CENPE: variants seen among roughly 807,000 people sequenced by gnomAD.
The protein encoded by CENPE is centromere-associated protein E.
Under a neutral mutation model 336.1 loss-of-function variants are expected in CENPE, and 145 were observed. The observed-to-expected ratio is 0.43, with a 90% CI of 0.38 to 0.50. The LOEUF is 0.50. CENPE is among the 20% of genes least tolerant of loss of function. The probability of loss-of-function intolerance (pLI) is 0.00; values close to 1 mark genes in which losing one functional copy is unlikely to be tolerated. For synonymous variants in CENPE, 1,013 were observed against 984.8 expected (o/e 1.03, Z -0.54); for missense variants, 2,719 against 3,023.3 (o/e 0.90, Z 2.36).
intron 9 of CENPE, among the ~76,000 whole-genome samples, chr4:103,184,468 C>T (rs1458318309): frequency 3.9e-5 from 6 of 152,128 alleles, no homozygotes; most frequent in African/African-American, 1.2e-4. Context: ...AAGTTGACTT[C>T]CAACAATTTT....
At chr4:103,149,472 C>A in intron 26 of CENPE, 64 bp from the exon 27 acceptor site, 1 of 1,380,910 alleles carries the variant, frequency 7.2e-7, no homozygotes, top group Admixed American at 2.5e-5. Context: ...TACACAAAAT[C>A]ATTAACAGCC....
chr4:103,191,669 T>C (rs920977174), intron 8 of CENPE, among the ~76,000 whole-genome samples: 3 of 149,632 alleles, frequency 2.0e-5, no homozygotes, highest in African/African-American at 7.4e-5. Context: ...GAGGGGGGGA[T>C]AGCATTAGGA....
At position 103,153,033 on chromosome 4, in the gene CENPE, G is replaced by C; in HGVS notation, c.3237+14C>G. 3 of 1,588,610 alleles carry C rather than the reference G, an allele frequency of 1.9e-6. No individual in the cohort carries two copies. The highest frequency in any genetic ancestry group is 2.6e-6 in the Non-Finnish European group (3 of 1,161,664). On this transcript the variant is annotated intron_variant, in intron 25 of 48. Coordinates refer to ENST00000265148, the MANE Select transcript of CENPE (RefSeq NM_001813.3). ...ACAAAAAGGTAATGCCAAGTATACA[G>C]TGCTAAATCCTACCATTTCAATATT...
chr4:103,157,218 C>G (rs1754039167), intron 24 of CENPE, among the ~76,000 whole-genome samples: 1 of 152,038 alleles, frequency 6.6e-6, no homozygotes, highest in South Asian at 2.1e-4. Flanking sequence ...ACCATATAAC[C>G]TAGCAATTCC....
intron 44 of CENPE, among the ~76,000 whole-genome samples, chr4:103,119,604 T>C (rs930047766): frequency 1.3e-5 from 2 of 152,224 alleles, no homozygotes; most frequent in Admixed American, 1.3e-4. Context: ...AATTTAAATA[T>C]GCCAATTTGG....
intron 14 of CENPE, among the ~76,000 whole-genome samples, chr4:103,176,572 T>C (rs985888512): frequency 1.3e-5 from 2 of 152,136 alleles, no homozygotes; most frequent in African/African-American, 4.8e-5. Context: ...TATTTATTTA[T>C]ATTTGTTTGA....
intron 1 of CENPE, among the ~76,000 whole-genome samples, chr4:103,197,613 C>G (rs1300040430): frequency 2.0e-5 from 3 of 152,212 alleles, no homozygotes; most frequent in African/African-American, 7.2e-5. Context: ...CATTTCGGGT[C>G]GAGGGCCAGA....
intron 13 of CENPE, among the ~76,000 whole-genome samples, chr4:103,178,390 C>T (rs558126287): frequency 6.6e-6 from 1 of 152,264 alleles, no homozygotes; most frequent in South Asian, 2.1e-4. Context: ...ACTTATGACT[C>T]TACCATCACC....
At chr4:103,185,289 A>G (rs1313769149) in intron 9 of CENPE, among the ~76,000 whole-genome samples, 1 of 147,206 alleles carries the variant, frequency 6.8e-6, no homozygotes, top group South Asian at 2.2e-4. Context: ...TGGGAGACAG[A>G]GTGAGAGTCT....
chr4:103,133,939 A>T (rs752776660), intron 40 of CENPE, 47 bp from the exon 41 acceptor site: 70 of 1,234,492 alleles, frequency 5.7e-5, no homozygotes, highest in Middle Eastern at 2.6e-4. Flanking sequence ...ATTTTGTCAC[A>T]TGTAGAGAAA....
chr4:103,198,189 C>CCTGGA (rs764812594), intron 1 of CENPE, 75 bp downstream of exon 1: 90 of 1,416,648 alleles, frequency 6.4e-5, no homozygotes, highest in Non-Finnish European at 8.2e-5. Context: ...CTGGAAACAT[C>CCTGGA]GTAGGCCTCG....
intron 24 of CENPE, among the ~76,000 whole-genome samples, chr4:103,157,811 A>C (rs1433434312): frequency 3.3e-5 from 5 of 151,992 alleles, no homozygotes; most frequent in Non-Finnish European, 7.4e-5. Context: ...TTATTTCACC[A>C]GTCTCCTATT....
At chr4:103,191,718 A>C (rs1026843623) in intron 8 of CENPE, among the ~76,000 whole-genome samples, 2 of 152,120 alleles carry the variant, frequency 1.3e-5, no homozygotes, top group Non-Finnish European at 2.9e-5. Flanking sequence ...TGGGTGCAGT[A>C]TACCAACATG....
chr4:103,152,294 T>C (rs1753630449), intron 25 of CENPE, among the ~76,000 whole-genome samples: 1 of 152,094 alleles, frequency 6.6e-6, no homozygotes, highest in African/African-American at 2.4e-5. Flanking sequence ...TCTTAGTCAT[T>C]AGGGAAAGGC....
At position 103,149,326 on chromosome 4, in the gene CENPE, A is replaced by G. The variant is rs201550559; in HGVS notation, c.3479T>C (p.Ile1160Thr). ...CTTTAATTCATTCTTTAAATTCTCT[A>G]TTTCATTAATCTTTTTCTGCATCTC... ...MSEMQKKINEIENLKNELKNK... is the reference protein window; with the variant it reads ...MSEMQKKINETENLKNELKNK... The change falls in exon 27 of 49, where the codon ATA (isoleucine) becomes ACA (threonine). Residue 1160 changes from isoleucine (I) to threonine (T), a missense_variant. Physicochemically the swap from Ile to Thr is moderately conservative, Grantham distance 89. Transcript: ENST00000265148. 15 of 1,610,532 alleles carry G rather than the reference A, an allele frequency of 9.3e-6. No individual in the cohort carries two copies. The highest frequency in any genetic ancestry group is 1.3e-5 in the Non-Finnish European group (15 of 1,179,106).
Position 103,198,262 on chromosome 4 carries a change from A to G in CENPE, c.56+2T>C. The stretch of plus-strand genomic sequence containing the variant: ...CACCGGGCCGTGGTGTGGCCCCCCT[A>G]CCTGCTGTTCAGCGGCCGCACTCGC... On this transcript the variant is annotated splice_donor_variant, in intron 1 of 48. Transcript: ENST00000265148. LOFTEE classifies it high-confidence loss of function. 1 of 1,550,216 alleles carries G rather than the reference A, an allele frequency of 6.5e-7. No individual in the cohort carries two copies. The highest frequency in any genetic ancestry group is 8.7e-7 in the Non-Finnish European group (1 of 1,146,744).
At chr4:103,194,580 A>G (rs1158488568) in intron 6 of CENPE, 23 bp downstream of exon 6, 1 of 1,576,562 alleles carries the variant, frequency 6.3e-7, no homozygotes, top group Non-Finnish European at 8.6e-7. Context: ...AGTGTTCTAA[A>G]GAAATACAGC....
At chr4:103,196,916 A>G (rs980955553) in intron 1 of CENPE, 66 bp from the exon 2 acceptor site, 15 of 766,488 alleles carry the variant, frequency 2.0e-5, no homozygotes, top group African/African-American at 1.6e-4. Flanking sequence ...GAATAATTGA[A>G]AAGATTTCAC....
rs760054720 is a variant in CENPE at position 103,176,993 on chromosome 4, C to G, written c.1296G>C (p.Lys432Asn). The change falls in exon 14 of 49, where the codon AAG becomes AAC. Residue 432 changes from lysine to asparagine, a missense_variant. Transcript: ENST00000265148. ...TWCLGKINKM[K>N]NSNYADQFNI... ...TAAATTGATCTGCATAGTTTGAGTTCTTCATTTTGTTAATTTTGCCAAGGC... is the reference window on the plus strand; with the variant it reads ...TAAATTGATCTGCATAGTTTGAGTTGTTCATTTTGTTAATTTTGCCAAGGC... The G allele has an allele frequency of 5.6e-6, 9 of 1,607,874 alleles. No individual in the cohort carries two copies. In the East Asian group the frequency reaches 2.0e-4, roughly 36 times the overall value.
Sources: gnomAD v4.1 joint callset for allele counts (sites outside exome capture counted in the v4.1 genomes callset) on GRCh38, gnomAD v4.1.1 for gene constraint, MANE v1.5 for transcripts, NCBI Gene and HGNC (gene_info 2026-07-23, HGNC 2026-07-21) for gene names.